Variants in C12orf76 observed in about 807,000 individuals in gnomAD.
C12orf76 encodes chromosome 12 open reading frame 76, also known as uncharacterized protein C12orf76.
A neutral mutation model predicts 6.8 loss-of-function variants in C12orf76; 6 were observed. The observed-to-expected ratio is 0.88, with a 90% CI of 0.48 to 1.73. C12orf76 has a LOEUF of 1.73. Ranked by LOEUF, C12orf76 falls within the 40% of genes most tolerant of loss-of-function variation. C12orf76 has a pLI of 0.01. For missense variants in C12orf76, 99 were observed against 98.2 expected (o/e 1.01, Z -0.03); for synonymous variants, 56 against 43.7 (o/e 1.28, Z -1.11).
At chr12:110,044,583 A>C (rs1321765226) in intron 1 of C12orf76, 1 of 153,956 alleles carries the variant, frequency 6.5e-6, no homozygotes, top group Non-Finnish European at 1.5e-5. Context: ...ATTTGACCAT[A>C]GTTTTATTTA....
In C12orf76 at chr12:110,041,447, G is replaced by GA. The variant is rs1044976619; in HGVS notation, c.*926dup. The GA allele has an allele frequency of 2.0e-5, 3 of 152,514 alleles. No homozygotes were observed. The highest frequency in any genetic ancestry group is 1.9e-4 in the East Asian group (1 of 5,204). The allele number at this position is 152,514 out of a possible 1,614,324, so 9.4% of individuals were successfully genotyped here. On this transcript the variant is annotated 3_prime_UTR_variant, in exon 2 of 2. Coordinates refer to ENST00000615315, the MANE Select transcript of C12orf76 (RefSeq NM_001389625.1). ...TATGAAAGTATCATTTCAATAGGAG[G>GA]AAAAAATCCAGTTCACCAACAGTGG... is the stretch of plus-strand genomic sequence containing the variant.
rs766524138 is a variant in C12orf76, at chr12:110,042,015, C to A, written c.*359G>T. The A allele has an allele frequency of 4.4e-6, 1 of 226,362 alleles. No individual in the cohort carries two copies. The allele number at this position is 226,362 out of a possible 1,614,324, so 14.0% of individuals were successfully genotyped here. A position where few individuals can be genotyped will look rare whatever the true frequency, so the allele number is the denominator to read the frequency against. ...TAAGTCTCCTTCTTAATAACATTTT[C>A]AAGCATTAATGATGAGTTCTTTACA... is the stretch of plus-strand genomic sequence containing the variant. On this transcript the variant is annotated 3_prime_UTR_variant, in exon 2 of 2. Transcript: ENST00000615315.
intron 2 of C12orf76, among the ~76,000 whole-genome samples, chr12:110,062,953 A>AT (rs200467800): frequency 2.3e-4 from 34 of 146,358 alleles, no homozygotes; most frequent in South Asian, 2.2e-4. Context: ...GAATAAAGAG[A>AT]TTTTTTTTTT....
chr12:110,070,029 G>A (rs2137243005), upstream of C12orf76, among the ~76,000 whole-genome samples: 1 of 152,120 alleles, frequency 6.6e-6, no homozygotes, highest in East Asian at 1.9e-4. Context: ...TGGATGGACT[G>A]CTTGAGCTCA....
intron 1 of C12orf76, among the ~76,000 whole-genome samples, chr12:110,043,487 T>C (rs554921083): frequency 2.8e-4 from 43 of 152,118 alleles, no homozygotes; most frequent in Non-Finnish European, 5.1e-4. Flanking sequence ...AACCTGGAGA[T>C]TCAATAAAGT....
intron 2 of C12orf76, among the ~76,000 whole-genome samples, chr12:110,059,748 T>C (rs1027463635): frequency 2.6e-5 from 4 of 152,150 alleles, no homozygotes; most frequent in African/African-American, 9.7e-5. Context: ...GAGGGTCTGG[T>C]CGCCAGGCTG....
chr12:110,056,260 A>G (rs1892665020), intron 4 of C12orf76, among the ~76,000 whole-genome samples: 1 of 152,116 alleles, frequency 6.6e-6, no homozygotes, highest in African/African-American at 2.4e-5. Flanking sequence ...TTGGTGACTA[A>G]GGCAAGCCAT....
At chr12:110,044,163 G>C (rs1213457813) in intron 1 of C12orf76, 1 of 152,230 alleles carries the variant, frequency 6.6e-6, no homozygotes, top group Non-Finnish European at 1.5e-5. Flanking sequence ...AATGTACACT[G>C]ATGTGTGTCT....
chr12:110,042,295 G>C lies in C12orf76; in HGVS notation c.*79C>G, dbSNP rs1357594350. On this transcript the variant is annotated 3_prime_UTR_variant, in exon 2 of 2. Coordinates refer to ENST00000615315, the MANE Select transcript of C12orf76 (RefSeq NM_001389625.1). ...GGTCATTTCCAAGTAGGAAAGTTTT[G>C]GTTCCAACTTCTCCACTGGCCTGTG... The C allele has an allele frequency of 6.9e-6, 8 of 1,159,360 alleles. No individual in the cohort carries two copies. The Admixed American group carries it at 7.0e-5, about 10-fold the overall frequency. The allele number at this position is 1,159,360 out of a possible 1,614,324, so 71.8% of individuals were successfully genotyped here.
At chr12:110,057,844 A>T (rs915306372) in intron 3 of C12orf76, among the ~76,000 whole-genome samples, 1 of 151,966 alleles carries the variant, frequency 6.6e-6, no homozygotes, top group African/African-American at 2.4e-5. Context: ...CAGGTGGATA[A>T]CTCGAGGTCA....
At chr12:110,057,930 G>C (rs1892698635) in intron 3 of C12orf76, among the ~76,000 whole-genome samples, 1 of 151,910 alleles carries the variant, frequency 6.6e-6, no homozygotes, top group Admixed American at 6.6e-5. Context: ...CAGGCACAGT[G>C]GTGGGCGCCT....
chr12:110,060,093 G>A (rs950650489), intron 2 of C12orf76, among the ~76,000 whole-genome samples: 1 of 152,062 alleles, frequency 6.6e-6, no homozygotes, highest in African/African-American at 2.4e-5. Flanking sequence ...AGGCATGGTG[G>A]CACATGCCTG....
chr12:110,048,265 C>G, intron 1 of C12orf76, 98 bp downstream of exon 1: 1 of 1,369,438 alleles, frequency 7.3e-7, no homozygotes, highest in Non-Finnish European at 9.5e-7. Context: ...CATCTCCCCA[C>G]TCTATCCCCT....
At chr12:110,068,304 G>GAAGAAGAA (rs1892911926), upstream of C12orf76, among the ~76,000 whole-genome samples, 1 of 146,708 alleles carries the variant, frequency 6.8e-6, no homozygotes. Context: ...AGAAGAAGAA[G>GAAGAAGAA]AAGAAGAAGA....
intron 3 of C12orf76, among the ~76,000 whole-genome samples, chr12:110,057,555 A>G (rs1441557984): frequency 6.6e-6 from 1 of 152,172 alleles, no homozygotes; most frequent in African/African-American, 2.4e-5. Flanking sequence ...GGGCTCAGCA[A>G]GGGTTGAGGA....
At chr12:110,050,896 C>T (rs1160548438), upstream of C12orf76, 15 of 634,164 alleles carry the variant, frequency 2.4e-5, no homozygotes, top group South Asian at 1.8e-4. Context: ...TTTCCTGTAA[C>T]GTATTTCTGG....
At chr12:110,068,248 AAGAAG>A (rs1207514913), upstream of C12orf76, among the ~76,000 whole-genome samples, 2 of 14,734 alleles carry the variant, frequency 1.4e-4, no homozygotes, top group African/African-American at 6.5e-4. Flanking sequence ...AAGAAGAAGA[AAGAAG>A]AAGAAGAAGA....
At chr12:110,045,629 A>G (rs1484299055) in intron 1 of C12orf76, among the ~76,000 whole-genome samples, 2 of 152,028 alleles carry the variant, frequency 1.3e-5, no homozygotes, top group African/African-American at 4.8e-5. Flanking sequence ...GCAGGAATGC[A>G]GAAGATTGGA....
intron 2 of C12orf76, among the ~76,000 whole-genome samples, chr12:110,060,662 C>T (rs1253881279): frequency 2.0e-5 from 3 of 152,204 alleles, no homozygotes; most frequent in Non-Finnish European, 4.4e-5. Flanking sequence ...CTCTTGCTTT[C>T]TCATCTACTT....
Sources: gnomAD v4.1 joint callset for allele counts (sites outside exome capture counted in the v4.1 genomes callset) on GRCh38, gnomAD v4.1.1 for gene constraint, MANE v1.5 for transcripts, NCBI Gene and HGNC (gene_info 2026-07-23, HGNC 2026-07-21) for gene names.